Variants in POLQ observed in about 807,000 individuals in gnomAD.
POLQ encodes the protein epididymis secretory sperm binding protein.
A neutral mutation model predicts 259.2 loss-of-function variants in POLQ; 233 were observed. The ratio of observed to expected loss-of-function variants is 0.90; its 90% CI spans 0.81 to 1.00. The LOEUF (loss-of-function observed/expected upper bound fraction) is 1.00. Ranked by LOEUF, POLQ falls within the 50% of genes least tolerant of loss-of-function variation. The probability of loss-of-function intolerance (pLI) is 0.00; values close to 1 mark genes in which losing one functional copy is unlikely to be tolerated. For synonymous variants in POLQ, 1,025 were observed against 1,048.8 expected (o/e 0.98, Z 0.44); for missense variants, 2,871 against 3,051.6 (o/e 0.94, Z 1.39).
At chr3:121,435,206 G>A (rs1413062357) in intron 28 of POLQ, among the ~76,000 whole-genome samples, 1 of 152,090 alleles carries the variant, frequency 6.6e-6, no homozygotes, top group African/African-American at 2.4e-5. Flanking sequence ...CAATCTCAGT[G>A]ACAGTGAAAT....
At chr3:121,525,791 C>T (rs929522410) in intron 7 of POLQ, among the ~76,000 whole-genome samples, 1 of 152,160 alleles carries the variant, frequency 6.6e-6, no homozygotes, top group Admixed American at 6.5e-5. Context: ...TGTTTGGAAG[C>T]ACTCATTTCC....
intron 25 of POLQ, among the ~76,000 whole-genome samples, chr3:121,451,594 A>C (rs2047677930): frequency 6.6e-6 from 1 of 152,242 alleles, no homozygotes; most frequent in East Asian, 1.9e-4. Flanking sequence ...CGGAGGCTGC[A>C]GAACAGTGAA....
Position 121,529,754 on chromosome 3 carries a change from C to G in POLQ, c.999G>C (p.Thr333=). 5 of 1,611,892 alleles carry G rather than the reference C, an allele frequency of 3.1e-6. No individual in the cohort carries two copies. Among genetic ancestry groups the G allele is most frequent in the Non-Finnish European group, 4.2e-6 (5 of 1,178,576 alleles). ...EDHVVSLCYE[T]ICDNHSVLLF... ...GTAATACTGAATGGTTATCACAAATCGTCTCATAACATAAACTAACAACAT... is the reference window on the plus strand; with the variant it reads ...GTAATACTGAATGGTTATCACAAATGGTCTCATAACATAAACTAACAACAT... The change falls in exon 7 of 30, where the codon ACG becomes ACC. Residue 333 remains threonine (T), a synonymous_variant. Transcript: ENST00000264233.
Position 121,496,793 on chromosome 3 carries a change from C to T in POLQ, c.2278+15G>A, listed in dbSNP as rs752576476. 6.3e-7 allele frequency: 1 copy of T among 1,595,670 alleles called. No individual in the cohort carries two copies. The stretch of plus-strand genomic sequence containing the variant: ...CACAGTATTAAATAAATGTGAAACC[C>T]TTTGTTTAACTGACCTGCATAAACA... On this transcript the variant is annotated intron_variant, in intron 14 of 29. Coordinates refer to ENST00000264233, the MANE Select transcript of POLQ (RefSeq NM_199420.4).
At chr3:121,496,114 AGACAGGAGTT>A (rs1192102796) in intron 14 of POLQ, among the ~76,000 whole-genome samples, 1 of 148,466 alleles carries the variant, frequency 6.7e-6, no homozygotes, top group African/African-American at 2.6e-5. Flanking sequence ...TATAACAGTC[AGACAGGAGTT>A]CAGAAATCCC....
intron 13 of POLQ, 107 bp from the exon 14 acceptor site, chr3:121,497,039 T>C (rs972956934): frequency 4.7e-6 from 5 of 1,075,192 alleles, no homozygotes; most frequent in Non-Finnish European, 6.8e-6. Flanking sequence ...AGGGCTTATA[T>C]AATACATTGT....
intron 29 of POLQ, 97 bp downstream of exon 29, chr3:121,432,819 TAG>T (rs1001331236): frequency 2.7e-6 from 2 of 740,708 alleles, no homozygotes; most frequent in African/African-American, 3.5e-5. Flanking sequence ...AGGGCTAGGG[TAG>T]AGTTCCAAAA....
At chr3:121,462,173 A>G (rs2047797479) in intron 24 of POLQ, among the ~76,000 whole-genome samples, 1 of 152,156 alleles carries the variant, frequency 6.6e-6, no homozygotes, top group African/African-American at 2.4e-5. Flanking sequence ...AGTCCCAAGC[A>G]TTTCACACAA....
Position 121,488,813 on chromosome 3 carries a change from A to C in POLQ, c.4118T>G (p.Ile1373Ser), listed in dbSNP as rs1246996634. ...AGGGTGCTGTTCAGCAGGAAAAGGA[A>C]TGTGACACTCCTTCTGAAAAGAGTT... Reference protein sequence around the residue: ...SMNSFQKECHIPFPAEQHPLG... With the variant: ...SMNSFQKECHSPFPAEQHPLG... The change falls in exon 16 of 30, where the codon ATT becomes AGT. Residue 1373 changes from isoleucine (I) to serine (S), a missense_variant. By Grantham distance (142) the Ile-to-Ser change is moderately radical (BLOSUM62 -2). This residue lies in a region of POLQ where 2,080 missense variants were observed against 2,126.0 expected (regional missense o/e 0.98). Coordinates refer to ENST00000264233, the MANE Select transcript of POLQ (RefSeq NM_199420.4). The C allele has an allele frequency of 6.2e-7, 1 of 1,613,746 alleles. No homozygotes were observed. The highest frequency in any genetic ancestry group is 1.7e-5 in the Admixed American group (1 of 59,966).
intron 26 of POLQ, among the ~76,000 whole-genome samples, chr3:121,443,028 T>C (rs566622431): frequency 6.6e-6 from 1 of 152,318 alleles, no homozygotes; most frequent in African/African-American, 2.4e-5. Context: ...CGGCTAATTT[T>C]TGTATATTTA....
intron 25 of POLQ, among the ~76,000 whole-genome samples, chr3:121,452,743 A>G (rs968644923): frequency 6.6e-6 from 1 of 152,226 alleles, no homozygotes; most frequent in Non-Finnish European, 1.5e-5. Flanking sequence ...GGAAGCTCAA[A>G]CTGAGTGGAG....
chr3:121,501,937 C>T (rs1182602829), intron 12 of POLQ, among the ~76,000 whole-genome samples: 1 of 147,532 alleles, frequency 6.8e-6, no homozygotes, highest in African/African-American at 2.5e-5. Context: ...TTGCAGTGAG[C>T]AGAGACTGCA....
chr3:121,450,937 A>G (rs575183139), intron 25 of POLQ, among the ~76,000 whole-genome samples: 1 of 152,280 alleles, frequency 6.6e-6, no homozygotes, highest in East Asian at 1.9e-4. Flanking sequence ...AATCAGGTGT[A>G]GATTTGGTCT....
intron 21 of POLQ, among the ~76,000 whole-genome samples, chr3:121,472,818 T>C (rs188289526): frequency 1.3e-5 from 2 of 152,210 alleles, no homozygotes; most frequent in African/African-American, 4.8e-5. Flanking sequence ...ATTTTTCCCC[T>C]GAAACATCTG....
At chr3:121,465,247 A>G (rs933759912) in intron 24 of POLQ, among the ~76,000 whole-genome samples, 16 of 152,072 alleles carry the variant, frequency 1.1e-4, no homozygotes, top group African/African-American at 3.4e-4. Context: ...GCGCACCACC[A>G]TGCCTAGCTA....
intron 15 of POLQ, among the ~76,000 whole-genome samples, chr3:121,491,346 C>CAAAAAAAAAAAAAAAAAAAAAAAAAA (rs3045625): frequency 5.1e-5 from 4 of 77,976 alleles, no homozygotes; most frequent in African/African-American, 1.7e-4. Flanking sequence ...GAGACTGTCA[C>CAAAAAAAAAAAAAAAAAAAAAAAAAA]AAAAAAAAAA....
chr3:121,445,708 C>T (rs1038977488), intron 26 of POLQ, among the ~76,000 whole-genome samples: 6 of 152,008 alleles, frequency 3.9e-5, no homozygotes, highest in Non-Finnish European at 8.8e-5. Context: ...ACTAAAAATA[C>T]AAAAACTAGC....
intron 6 of POLQ, among the ~76,000 whole-genome samples, chr3:121,530,655 A>G (rs2048404742): frequency 6.6e-6 from 1 of 152,210 alleles, no homozygotes; most frequent in Admixed American, 6.5e-5. Context: ...TTTCAAATGA[A>G]CAAAAGGGCA....
chr3:121,492,543 T>C (rs1005857228), intron 15 of POLQ, among the ~76,000 whole-genome samples: 1 of 151,996 alleles, frequency 6.6e-6, no homozygotes, highest in African/African-American at 2.4e-5. Context: ...AGATATATAA[T>C]GAAATCACAT....
Sources: gnomAD v4.1 joint callset for allele counts (sites outside exome capture counted in the v4.1 genomes callset) on GRCh38, gnomAD v4.1.1 for gene constraint, gnomAD v4.1.1 regional missense constraint, MANE v1.5 for transcripts, NCBI Gene and HGNC (gene_info 2026-07-23, HGNC 2026-07-21) for gene names.